MACROD2: variants seen among roughly 807,000 people sequenced by gnomAD.
The protein encoded by MACROD2 is mono-ADP ribosylhydrolase 2, also known as ADP-ribose glycohydrolase MACROD2.
MACROD2 carries 36 observed loss-of-function variants against 70.4 expected under a neutral mutation model. The ratio of observed to expected loss-of-function variants is 0.51; its 90% CI spans 0.39 to 0.68. MACROD2 has a LOEUF of 0.68. Among genes scored for constraint, MACROD2 ranks in the 30% least tolerant of loss-of-function variants. The pLI, the probability that MACROD2 is intolerant of heterozygous loss-of-function variation, is 0.00. For synonymous variants in MACROD2, 172 were observed against 178.8 expected (o/e 0.96, Z 0.30); for missense variants, 496 against 538.4 (o/e 0.92, Z 0.78).
intron 3 of MACROD2, among the ~76,000 whole-genome samples, chr20:14,167,528 C>T (rs182108322): frequency 1.3e-4 from 19 of 151,724 alleles, no homozygotes; most frequent in African/African-American, 4.3e-4. Flanking sequence ...GAATTACAGG[C>T]GCCCACCACC....
chr20:14,124,495 A>G (rs1413554861), intron 3 of MACROD2, among the ~76,000 whole-genome samples: 1 of 152,204 alleles, frequency 6.6e-6, no homozygotes, highest in Non-Finnish European at 1.5e-5. Context: ...TAAACATTTC[A>G]TCACAGAACT....
At chr20:15,236,218 T>C (rs2077012687) in intron 6 of MACROD2, among the ~76,000 whole-genome samples, 1 of 152,234 alleles carries the variant, frequency 6.6e-6, no homozygotes, top group South Asian at 2.1e-4. Flanking sequence ...CATTCACGTT[T>C]CGTAAGATCT....
intron 5 of MACROD2, among the ~76,000 whole-genome samples, chr20:14,855,036 A>G (rs1247883901): frequency 2.6e-5 from 4 of 152,180 alleles, no homozygotes; most frequent in African/African-American, 4.8e-5. Context: ...ACAAATGTAC[A>G]ATATAAAATT....
At chr20:14,752,615 C>G (rs1409222019) in intron 5 of MACROD2, among the ~76,000 whole-genome samples, 1 of 152,098 alleles carries the variant, frequency 6.6e-6, no homozygotes, top group Non-Finnish European at 1.5e-5. Flanking sequence ...TTGAAAAGCA[C>G]ATCTAATAAT....
intron 3 of MACROD2, among the ~76,000 whole-genome samples, chr20:14,320,150 A>T (rs1165155158): frequency 6.6e-6 from 1 of 152,118 alleles, no homozygotes; most frequent in Non-Finnish European, 1.5e-5. Flanking sequence ...AATACTCTGA[A>T]ATCTGTTTCT....
intron 3 of MACROD2, among the ~76,000 whole-genome samples, chr20:14,232,866 C>A (rs540667336): frequency 2.4e-4 from 37 of 152,352 alleles, no homozygotes; most frequent in African/African-American, 8.7e-4. Context: ...CTTGTCTTGG[C>A]TTTTGACGTG....
At chr20:14,440,733 C>T (rs915074) in intron 3 of MACROD2, among the ~76,000 whole-genome samples, 23,608 of 152,158 alleles carry the variant, frequency 0.16, 2,609 homozygotes, top group Non-Finnish European at 0.22. Context: ...GAATTTATGG[C>T]AGTTATTGCT....
intron 3 of MACROD2, among the ~76,000 whole-genome samples, chr20:14,340,695 T>G (rs1236836145): frequency 6.6e-6 from 1 of 152,184 alleles, no homozygotes; most frequent in Non-Finnish European, 1.5e-5. Context: ...TGTTTTGCAT[T>G]TTGTTCTGTT....
At chr20:14,143,249 G>A (rs566886422) in intron 3 of MACROD2, among the ~76,000 whole-genome samples, 3 of 152,288 alleles carry the variant, frequency 2.0e-5, no homozygotes, top group South Asian at 4.1e-4. Context: ...TTTATAGAGA[G>A]TTTCTCAGAA....
At chr20:14,616,888 C>G (rs550039475) in intron 4 of MACROD2, among the ~76,000 whole-genome samples, 17 of 152,208 alleles carry the variant, frequency 1.1e-4, no homozygotes, top group Admixed American at 3.9e-4. Context: ...CAGCTAGTCA[C>G]TTTGTGAAGT....
chr20:14,871,695 C>A (rs181081802), intron 5 of MACROD2, among the ~76,000 whole-genome samples: 2 of 152,050 alleles, frequency 1.3e-5, no homozygotes, highest in East Asian at 1.9e-4. Flanking sequence ...TATAAGTGGG[C>A]TAAATACCCC....
rs527392222 is a variant in MACROD2 at position 16,050,060 on chromosome 20, GAAA to G, written c.*191_*193del. 9.9e-5 allele frequency: 54 copies of G among 546,176 alleles called. No individual in the cohort carries two copies. Among genetic ancestry groups the G allele is most frequent in the Non-Finnish European group, 8.2e-5 (26 of 318,642 alleles). The allele number at this position is 546,176 out of a possible 1,614,324, so 33.8% of individuals were successfully genotyped here. ...TCTGCAGAAAAAGAAAGAAAAAAAA[GAAA>G]AAAAAAGTTTCCTTTAATTTGGTGG... On this transcript the variant is annotated 3_prime_UTR_variant, in exon 18 of 18. Transcript: ENST00000684519.
At chr20:14,659,338 A>C (rs990925618) in intron 4 of MACROD2, among the ~76,000 whole-genome samples, 1 of 152,180 alleles carries the variant, frequency 6.6e-6, no homozygotes, top group Non-Finnish European at 1.5e-5. Context: ...GTTGAACTAG[A>C]AATTCATTAA....
chr20:14,430,507 A>G (rs1459015729), intron 3 of MACROD2, among the ~76,000 whole-genome samples: 1 of 152,196 alleles, frequency 6.6e-6, no homozygotes, highest in Non-Finnish European at 1.5e-5. Context: ...ATAATGCAAT[A>G]TTTCTAGCTT....
chr20:14,519,716 T>C (rs2085142997), intron 4 of MACROD2, among the ~76,000 whole-genome samples: 2 of 152,180 alleles, frequency 1.3e-5, no homozygotes, highest in Admixed American at 6.5e-5. Flanking sequence ...CATTATTGGG[T>C]ATATACCCAA....
intron 5 of MACROD2, among the ~76,000 whole-genome samples, chr20:15,161,277 C>A (rs2076346533): frequency 6.6e-6 from 1 of 151,596 alleles, no homozygotes; most frequent in African/African-American, 2.4e-5. Flanking sequence ...GGGAATGGTA[C>A]AAACTGGACC....
At chr20:14,837,680 G>A (rs1310755034) in intron 5 of MACROD2, among the ~76,000 whole-genome samples, 2 of 151,922 alleles carry the variant, frequency 1.3e-5, no homozygotes, top group African/African-American at 4.8e-5. Context: ...TAATTATTTT[G>A]ATCAATCTTT....
intron 8 of MACROD2, among the ~76,000 whole-genome samples, chr20:15,796,078 A>G (rs751448092): frequency 1.6e-4 from 25 of 152,216 alleles, no homozygotes; most frequent in Non-Finnish European, 1.9e-4. Context: ...TTGCACCCCA[A>G]CACCTCTGGA....
At chr20:15,518,699 C>T (rs893470064) in intron 8 of MACROD2, among the ~76,000 whole-genome samples, 2 of 152,150 alleles carry the variant, frequency 1.3e-5, no homozygotes, top group Non-Finnish European at 2.9e-5. Context: ...CTAATAACAT[C>T]CTATCAGAAA....
Sources: gnomAD v4.1 joint callset for allele counts (sites outside exome capture counted in the v4.1 genomes callset) on GRCh38, gnomAD v4.1.1 for gene constraint, MANE v1.5 for transcripts, NCBI Gene and HGNC (gene_info 2026-07-23, HGNC 2026-07-21) for gene names.